The following R3HDML variants were observed in gnomAD, a reference collection of about 807,000 sequenced individuals.
R3HDML encodes the protein R3H domain containing like, also known as peptidase inhibitor R3HDML.
Under a neutral mutation model 24.2 loss-of-function variants are expected in R3HDML, and 21 were observed. That is an observed-to-expected ratio of 0.87 (90% confidence interval 0.62 to 1.25). The LOEUF is 1.25. R3HDML is among the 50% of genes most tolerant of loss of function. The probability of loss-of-function intolerance (pLI) is 0.00; values close to 1 mark genes in which losing one functional copy is unlikely to be tolerated. For synonymous variants in R3HDML, 133 were observed against 131.5 expected, an observed-to-expected ratio of 1.01 and a Z score of -0.08; for missense variants, 301 against 340.3, an observed-to-expected ratio of 0.88 and a Z score of 0.91.
chr20:44,338,478 C>T (rs1294165953), intron 1 of R3HDML, among the ~76,000 whole-genome samples: 7 of 152,130 alleles, frequency 4.6e-5, no homozygotes, highest in South Asian at 2.1e-4. Context: ...GAATAAGAGC[C>T]GGGATGGCAG....
rs755903167 is a variant in R3HDML at position 44,341,219 on chromosome 20, G to A, written c.285G>A (p.Arg95=). ...EYMVWDKRLA[R]AAEAWATQCI... ...AGGTCTGGGACAAGCGGCTGGCCAG[G>A]GCTGCCGAAGCCTGGGCCACCCAGT... Residue 95 remains arginine, a synonymous_variant, in exon 2 of 5, where the codon AGG becomes AGA. Coordinates refer to ENST00000217043, the MANE Select transcript of R3HDML (RefSeq NM_178491.4). The A allele has an allele frequency of 1.2e-6, 2 of 1,613,780 alleles. No individual in the cohort carries two copies. The highest frequency in any genetic ancestry group is 2.2e-5 in the South Asian group (2 of 91,044).
intron 3 of R3HDML, among the ~76,000 whole-genome samples, chr20:44,344,421 G>A (rs1196194718): frequency 1.3e-5 from 2 of 152,046 alleles, no homozygotes; most frequent in African/African-American, 4.8e-5. Flanking sequence ...CAGCCTGGGT[G>A]ACAGTGAGAC....
chr20:44,345,794 A>G (rs1014559697), intron 4 of R3HDML, among the ~76,000 whole-genome samples: 3 of 149,642 alleles, frequency 2.0e-5, no homozygotes, highest in South Asian at 2.1e-4. Flanking sequence ...TCAAAAAAAA[A>G]GTCAATTAAT....
intron 1 of R3HDML, among the ~76,000 whole-genome samples, chr20:44,339,149 T>C (rs2062765598): frequency 6.6e-6 from 1 of 151,080 alleles, no homozygotes; most frequent in Non-Finnish European, 1.5e-5. Context: ...TCTCCCTCCC[T>C]AGCTGACTTC....
rs1457677366 is a variant in R3HDML at position 44,345,325 on chromosome 20, C to A, written c.576C>A (p.Val192=). The A allele has an allele frequency of 6.2e-7, 1 of 1,614,178 alleles. No individual in the cohort carries two copies. The highest frequency in any genetic ancestry group is 8.5e-7 in the Non-Finnish European group (1 of 1,180,026). The change falls in exon 4 of 5, where the codon GTC becomes GTA. Residue 192 remains valine, a synonymous_variant. Coordinates refer to ENST00000217043, the MANE Select transcript of R3HDML (RefSeq NM_178491.4). ...CAIHTCSSIS[V]WGNTWHRAAY... ...TCCACACCTGTAGTAGCATCAGTGTCTGGGGCAACACCTGGCATCGGGCGG... is the reference window on the plus strand; with the variant it reads ...TCCACACCTGTAGTAGCATCAGTGTATGGGGCAACACCTGGCATCGGGCGG...
At position 44,337,338 on chromosome 20, in the gene R3HDML, AG is replaced by A. The variant is rs1320930309; in HGVS notation, c.182del (p.Arg61LysfsTer3). 7 of 1,614,204 alleles carry A rather than the reference AG, an allele frequency of 4.3e-6. No homozygotes were observed. The South Asian group carries it at 7.7e-5, about 18-fold the overall frequency. On this transcript the variant is annotated frameshift_variant, in exon 1 of 5. Transcript: ENST00000217043. LOFTEE classifies it high-confidence loss of function. The surrounding 1 kb of genome is among the most constrained non-coding windows in gnomAD (Gnocchi z 4.7). The stretch of plus-strand genomic sequence containing the variant: ...CCGCCGGAAGCGCCACATCTCTGTG[AG>A]AGACATGAATGCCTTACTGGATTAT... ...RYRRKRHISVRDMNALLDYHN... is the reference protein window; with the variant it reads ...RYRRKRHISVXDMNALLDYHN...
At chr20:44,349,155 TAAAA>T (rs2062800997) in intron 4 of R3HDML, among the ~76,000 whole-genome samples, 2 of 148,044 alleles carry the variant, frequency 1.4e-5, no homozygotes, top group African/African-American at 5.0e-5. Context: ...ATAAATAAAA[TAAAA>T]TAAAATAAAA....
chr20:44,350,735 C>A lies in R3HDML; in HGVS notation c.705C>A (p.Ser235Arg). 1 of 1,614,124 alleles carries A rather than the reference C, an allele frequency of 6.2e-7. No homozygotes were observed. Among genetic ancestry groups the A allele is most frequent in the Non-Finnish European group, 8.5e-7 (1 of 1,180,020 alleles). Residue 235 changes from serine to arginine, a missense_variant, in exon 5 of 5, where the codon AGC becomes AGA. By Grantham distance (110) the Ser-to-Arg change is moderately radical. Transcript: ENST00000217043. ...CCTGTCCCCCCAGTTATCAAGGCAG[C>A]TGCAATAGCAACATGTGCTTCAAGG... ...CSSCPPSYQG[S>R]CNSNMCFKGL...
At chr20:44,345,404 G>A (rs1206979450) in intron 4 of R3HDML, 26 bp downstream of exon 4, 2 of 1,534,824 alleles carry the variant, frequency 1.3e-6, no homozygotes, top group Admixed American at 3.6e-5. Flanking sequence ...AAGGCAAAGA[G>A]GGCCCTGGGG....
chr20:44,339,137 T>C (rs1040127770), intron 1 of R3HDML, among the ~76,000 whole-genome samples: 146 of 151,806 alleles, frequency 9.6e-4, no homozygotes, highest in Middle Eastern at 3.4e-3. Flanking sequence ...GGATGCCCCA[T>C]TTCTCCCTCC....
chr20:44,337,118 C>A lies in R3HDML; in HGVS notation c.-40C>A. On this transcript the variant is annotated 5_prime_UTR_variant, in exon 1 of 5. The change creates a new upstream start codon in the 5' untranslated region. Transcript: ENST00000217043. This position sits in a 1 kb window ranked among gnomAD's most constrained non-coding sequence, Gnocchi z 4.7. ...GCCTGCCCCTTCCAGGCAGCCGGCT[C>A]TGATTGCACAAGGCAGACCTGTGAC... 1 of 1,582,116 alleles carries A rather than the reference C, an allele frequency of 6.3e-7. No individual in the cohort carries two copies.
Position 44,343,520 on chromosome 20 carries a change from G to A in R3HDML, c.513+11G>A, listed in dbSNP as rs369267793. On this transcript the variant is annotated intron_variant, in intron 3 of 4. Coordinates refer to ENST00000217043, the MANE Select transcript of R3HDML (RefSeq NM_178491.4). ...TCCCATTATACCCAGGTACTCCTCCGTCAGGGCTGAGGGCCCCTGGGATAA... is the reference window on the plus strand; with the variant it reads ...TCCCATTATACCCAGGTACTCCTCCATCAGGGCTGAGGGCCCCTGGGATAA... The A allele has an allele frequency of 3.8e-5, 60 of 1,592,586 alleles. No homozygotes were observed. Among genetic ancestry groups the A allele is most frequent in the Non-Finnish European group, 4.6e-5 (54 of 1,169,500 alleles).
rs148757749 is a variant in R3HDML at position 44,349,267 on chromosome 20, G to C, written c.630-1393G>C. On this transcript the variant is annotated intron_variant, in intron 4 of 4. Transcript: ENST00000217043. ...GACTAGAACCAAGTTATAAACTCTT[G>C]GGCATGGGAAATCGACCGTTTTCAT... Among the ~76,000 whole-genome samples the C allele has an allele frequency of 6.6e-3, 999 of 152,190 alleles. 14 individuals are homozygous for C. The highest frequency in any genetic ancestry group is 0.023 in the African/African-American group (942 of 41,528).
chr20:44,350,431 G>C (rs547260028), intron 4 of R3HDML, among the ~76,000 whole-genome samples: 44 of 152,130 alleles, frequency 2.9e-4, no homozygotes, highest in African/African-American at 1.1e-3. Context: ...TGAGTTGGGA[G>C]GATTGCTTGA....
chr20:44,343,525 G>A lies in R3HDML; in HGVS notation c.513+16G>A, dbSNP rs1170280167. 2 of 1,582,562 alleles carry A rather than the reference G, an allele frequency of 1.3e-6. No individual in the cohort carries two copies. The highest frequency in any genetic ancestry group is 8.6e-7 in the Non-Finnish European group (1 of 1,165,058). ...TTATACCCAGGTACTCCTCCGTCAG[G>A]GCTGAGGGCCCCTGGGATAACACAT... On this transcript the variant is annotated intron_variant, in intron 3 of 4. Coordinates refer to ENST00000217043, the MANE Select transcript of R3HDML (RefSeq NM_178491.4).
intron 4 of R3HDML, 135 bp from the exon 5 acceptor site, chr20:44,350,525 A>G: frequency 1.4e-6 from 1 of 715,784 alleles, no homozygotes; most frequent in Non-Finnish European, 2.1e-6. Flanking sequence ...AAAGAAAAAA[A>G]AGAAACCAAG....
intron 2 of R3HDML, 72 bp downstream of exon 2, chr20:44,341,386 G>A: frequency 5.6e-6 from 7 of 1,243,962 alleles, no homozygotes; most frequent in Non-Finnish European, 8.1e-6. Flanking sequence ...TCTGTACCAG[G>A]TGCTGCACTT....
intron 3 of R3HDML, among the ~76,000 whole-genome samples, chr20:44,344,098 GGTGAGACCCC>G (rs1446635419): frequency 2.0e-5 from 3 of 152,098 alleles, no homozygotes; most frequent in Non-Finnish European, 4.4e-5. Flanking sequence ...TGGCTAACAC[GGTGAGACCCC>G]GTCTCTACTG....
intron 4 of R3HDML, among the ~76,000 whole-genome samples, chr20:44,349,130 G>GTAAAA (rs1357931029): frequency 7.2e-6 from 1 of 139,256 alleles, no homozygotes; most frequent in Non-Finnish European, 1.5e-5. Context: ...CTATCTCAAA[G>GTAAAA]TAAAATAAAA....
Sources: allele counts gnomAD v4.1 joint callset (sites outside exome capture counted in the v4.1 genomes callset), GRCh38; gene constraint gnomAD v4.1.1; non-coding constraint Gnocchi (gnomAD v3.1); transcripts MANE v1.5; gene names NCBI Gene and HGNC (gene_info 2026-07-23, HGNC 2026-07-21).